MEI4: variants seen among roughly 807,000 people sequenced by gnomAD.
MEI4 encodes meiosis-specific protein MEI4.
A neutral mutation model predicts 31.4 loss-of-function variants in MEI4; 27 were observed. The ratio of observed to expected loss-of-function variants is 0.86; its 90% CI spans 0.63 to 1.19. The LOEUF is 1.19. MEI4 is among the 50% of genes most tolerant of loss of function. The probability of loss-of-function intolerance (pLI) is 0.00; values close to 1 mark genes in which losing one functional copy is unlikely to be tolerated. For synonymous variants in MEI4, 122 were observed against 145.4 expected, an observed-to-expected ratio of 0.84 and a Z score of 1.16; for missense variants, 329 against 398.9, an observed-to-expected ratio of 0.82 and a Z score of 1.49.
chr6:77,802,270 T>TA (rs1769286208), intron 3 of MEI4, among the ~76,000 whole-genome samples: 1 of 152,226 alleles, frequency 6.6e-6, no homozygotes, highest in African/African-American at 2.4e-5. Context: ...AAAGTCTGTT[T>TA]TATCAGAGAC....
At chr6:77,838,242 G>A (rs1311557989) in intron 4 of MEI4, among the ~76,000 whole-genome samples, 3 of 149,916 alleles carry the variant, frequency 2.0e-5, no homozygotes, top group Non-Finnish European at 3.0e-5. Context: ...TGGGTAACCA[G>A]AAATTTTTTT....
chr6:77,885,596 A>G (rs1163207942), intron 4 of MEI4, among the ~76,000 whole-genome samples: 2 of 152,098 alleles, frequency 1.3e-5, no homozygotes, highest in Admixed American at 6.5e-5. Flanking sequence ...TTTTAAATGT[A>G]AGATCACATC....
At chr6:77,691,380 A>C (rs561266259) in intron 2 of MEI4, among the ~76,000 whole-genome samples, 1 of 151,998 alleles carries the variant, frequency 6.6e-6, no homozygotes, top group Non-Finnish European at 1.5e-5. Flanking sequence ...TACATACTAT[A>C]ATAGAGACTG....
intron 3 of MEI4, among the ~76,000 whole-genome samples, chr6:77,765,280 G>A (rs533908311): frequency 1.3e-5 from 2 of 149,518 alleles, no homozygotes; most frequent in Non-Finnish European, 2.9e-5. Flanking sequence ...CTATGCCCAA[G>A]ACAATGTTGA....
At chr6:77,744,064 C>T (rs958771325) in intron 2 of MEI4, among the ~76,000 whole-genome samples, 1 of 152,296 alleles carries the variant, frequency 6.6e-6, no homozygotes, top group Admixed American at 6.5e-5. Context: ...CAGAGCACCT[C>T]TCCTCCTCCA....
At chr6:77,908,710 A>T (rs1766358449) in intron 4 of MEI4, among the ~76,000 whole-genome samples, 1 of 152,176 alleles carries the variant, frequency 6.6e-6, no homozygotes, top group Non-Finnish European at 1.5e-5. Context: ...TTAGTCTCTG[A>T]TAAAACAGAC....
chr6:77,854,325 T>C (rs953373318), intron 4 of MEI4, among the ~76,000 whole-genome samples: 1 of 47,918 alleles, frequency 2.1e-5, no homozygotes, highest in African/African-American at 1.8e-4. Context: ...AAAATGTTTT[T>C]CTTAAAAAAA....
intron 4 of MEI4, among the ~76,000 whole-genome samples, chr6:77,867,985 G>C (rs148286053): frequency 6.6e-6 from 1 of 151,314 alleles, no homozygotes; most frequent in African/African-American, 2.4e-5. Flanking sequence ...ACCAAACACC[G>C]CATGTTCTCA....
chr6:77,718,510 C>A (rs1200667726), intron 2 of MEI4, among the ~76,000 whole-genome samples: 7 of 148,268 alleles, frequency 4.7e-5, no homozygotes, highest in African/African-American at 1.7e-4. Flanking sequence ...CTACAGCAGC[C>A]GTAGCTGTGA....
intron 3 of MEI4, among the ~76,000 whole-genome samples, chr6:77,782,962 A>G (rs1768631351): frequency 6.6e-6 from 1 of 152,168 alleles, no homozygotes. Context: ...TTGCCTGAAA[A>G]TATGAAGGGG....
chr6:77,757,800 A>G (rs756954739), intron 2 of MEI4, among the ~76,000 whole-genome samples: 32 of 152,160 alleles, frequency 2.1e-4, no homozygotes, highest in Admixed American at 9.2e-4. Flanking sequence ...GAATGAAGTT[A>G]ATGTCTTGAG....
At chr6:77,818,134 A>G (rs1769731389) in intron 3 of MEI4, among the ~76,000 whole-genome samples, 3 of 152,242 alleles carry the variant, frequency 2.0e-5, no homozygotes, top group African/African-American at 7.2e-5. Flanking sequence ...GTTATCATCT[A>G]CACTATTAGT....
At chr6:77,908,041 G>A (rs1183442607) in intron 4 of MEI4, among the ~76,000 whole-genome samples, 1 of 151,070 alleles carries the variant, frequency 6.6e-6, no homozygotes, top group Non-Finnish European at 1.5e-5. Flanking sequence ...GTAGATTCTG[G>A]ATATTAGCCC....
chr6:77,654,345 TA>T (rs947699652), intron 1 of MEI4, among the ~76,000 whole-genome samples: 1 of 151,992 alleles, frequency 6.6e-6, no homozygotes, highest in African/African-American at 2.4e-5. Context: ...ATCTGTTGAA[TA>T]AAAGAGTAAG....
At chr6:77,800,872 T>A (rs1769236452) in intron 3 of MEI4, among the ~76,000 whole-genome samples, 1 of 152,214 alleles carries the variant, frequency 6.6e-6, no homozygotes. Flanking sequence ...AGCTTTTTGA[T>A]GTGCTACTGG....
chr6:77,828,352 C>T (rs575076638), intron 3 of MEI4, among the ~76,000 whole-genome samples: 65 of 152,052 alleles, frequency 4.3e-4, no homozygotes, highest in Non-Finnish European at 8.2e-4. Context: ...AGCTTCCCCT[C>T]CTGTCAGATC....
intron 4 of MEI4, among the ~76,000 whole-genome samples, chr6:77,913,743 CTTT>C: frequency 6.8e-6 from 1 of 148,028 alleles, no homozygotes; most frequent in Admixed American, 6.7e-5. Flanking sequence ...TTTAGAAAAA[CTTT>C]TGTTGAGCCC....
chr6:77,770,722 G>C lies in MEI4; in HGVS notation c.768+9057G>C, dbSNP rs140243395. 1.4e-3 allele frequency among the ~76,000 whole-genome samples: 215 copies of C among 152,174 alleles called. 2 individuals are homozygous for C. Among genetic ancestry groups the C allele is most frequent in the African/African-American group, 4.5e-3 (188 of 41,552 alleles). On this transcript the variant is annotated intron_variant, in intron 3 of 4. Transcript: ENST00000684080. ...ACACCTCCAGCCATCCGATGTTTGA[G>C]AAAGTAGACATAAACAAGCAATGAG...
intron 4 of MEI4, among the ~76,000 whole-genome samples, chr6:77,870,505 T>G (rs1338166472): frequency 6.6e-6 from 1 of 152,216 alleles, no homozygotes; most frequent in Admixed American, 6.5e-5. Context: ...CACTTTACTT[T>G]GTAAAGCAGT....
Sources: gnomAD v4.1 joint callset for allele counts (sites outside exome capture counted in the v4.1 genomes callset) on GRCh38, gnomAD v4.1.1 for gene constraint, MANE v1.5 for transcripts, NCBI Gene and HGNC (gene_info 2026-07-23, HGNC 2026-07-21) for gene names.